The following NAV3 variants were observed in gnomAD, a reference collection of about 807,000 sequenced individuals.
The protein encoded by NAV3 is pore membrane and/or filament interacting like protein 1.
Under a neutral mutation model 244.7 loss-of-function variants are expected in NAV3, and 87 were observed. That is an observed-to-expected ratio of 0.36 (90% CI 0.30 to 0.42). The LOEUF (loss-of-function observed/expected upper bound fraction) is 0.42, where lower values mean the gene tolerates loss of function less well. Ranked by LOEUF, NAV3 falls within the 20% of genes least tolerant of loss-of-function variation. The probability of loss-of-function intolerance (pLI) is 1.00; values close to 1 mark genes in which losing one functional copy is unlikely to be tolerated. For synonymous variants in NAV3, 1,126 were observed against 1,042.2 expected (o/e 1.08, Z -1.55); for missense variants, 2,663 against 2,893.3 (o/e 0.92, Z 1.83).
intron 2 of NAV3, among the ~76,000 whole-genome samples, chr12:77,729,542 G>A (rs1447322673): frequency 2.0e-5 from 3 of 151,968 alleles, no homozygotes; most frequent in Non-Finnish European, 4.4e-5. Context: ...TGAAATGTAA[G>A]ATAAACATGG....
rs11107455 is a variant in NAV3 at position 77,933,551 on chromosome 12, A to G, written c.244-6768A>G. On this transcript the variant is annotated intron_variant, in intron 1 of 39. Coordinates refer to ENST00000397909, the MANE Select transcript of NAV3 (RefSeq NM_001024383.2). ...TCAAACTCCAAAGTTGAGATTTTTG[A>G]AAAACTTCATACAGTGTGAGCTTTC... is the stretch of plus-strand genomic sequence containing the variant. Among the ~76,000 whole-genome samples, 450 of 152,324 alleles carry G rather than the reference A, an allele frequency of 3.0e-3. 3 individuals carry two copies. Among genetic ancestry groups the G allele is most frequent in the African/African-American group, 0.01 (423 of 41,576 alleles).
At chr12:77,888,841 G>A (rs1032835608) in intron 1 of NAV3, among the ~76,000 whole-genome samples, 1 of 152,174 alleles carries the variant, frequency 6.6e-6, no homozygotes, top group East Asian at 1.9e-4. Flanking sequence ...GTGTGTGACT[G>A]TGGATAGGAC....
intron 1 of NAV3, among the ~76,000 whole-genome samples, chr12:77,918,556 G>A (rs952333718): frequency 1.3e-5 from 2 of 152,038 alleles, no homozygotes; most frequent in Non-Finnish European, 2.9e-5. Flanking sequence ...ATCTATTTGG[G>A]CTGAGTTCAT....
At chr12:78,201,519 C>A (rs1264913273) in intron 38 of NAV3, among the ~76,000 whole-genome samples, 4 of 151,694 alleles carry the variant, frequency 2.6e-5, no homozygotes, top group Non-Finnish European at 5.9e-5. Context: ...ATCTTGAGGC[C>A]CTGCAACCAA....
intron 1 of NAV3, among the ~76,000 whole-genome samples, chr12:77,914,697 A>G (rs945057670): frequency 2.6e-5 from 4 of 151,964 alleles, no homozygotes; most frequent in Non-Finnish European, 4.4e-5. Context: ...TGTCTAGTCT[A>G]TTGTGGAGTA....
intron 2 of NAV3, among the ~76,000 whole-genome samples, chr12:77,659,894 G>T (rs191775584): frequency 2.7e-5 from 4 of 150,592 alleles, no homozygotes; most frequent in East Asian, 4.0e-4. Context: ...TCACTCATAG[G>T]TGGGAATTGA....
intron 2 of NAV3, among the ~76,000 whole-genome samples, chr12:77,619,853 C>T (rs980699368): frequency 3.3e-5 from 5 of 151,322 alleles, no homozygotes; most frequent in South Asian, 2.1e-4. Flanking sequence ...GGAAATTGCA[C>T]GTTAATGTGA....
chr12:77,740,863 C>T (rs770736853), intron 2 of NAV3, among the ~76,000 whole-genome samples: 2 of 151,874 alleles, frequency 1.3e-5, no homozygotes, highest in African/African-American at 2.4e-5. Context: ...AGATGAGAGG[C>T]AAAGACAAAG....
intron 18 of NAV3, among the ~76,000 whole-genome samples, chr12:78,136,190 A>G (rs1260158157): frequency 6.6e-6 from 1 of 152,218 alleles, no homozygotes; most frequent in Non-Finnish European, 1.5e-5. Context: ...CCACTGACGG[A>G]TTCCACAGGG....
chr12:78,034,007 TAACA>T (rs1050817362), intron 9 of NAV3, among the ~76,000 whole-genome samples: 8 of 152,230 alleles, frequency 5.3e-5, no homozygotes, highest in African/African-American at 1.9e-4. Flanking sequence ...GAGAGAGCTG[TAACA>T]AACAGAGTGG....
chr12:77,656,221 T>G (rs1256579499), intron 2 of NAV3, among the ~76,000 whole-genome samples: 5 of 140,690 alleles, frequency 3.6e-5, no homozygotes, highest in Non-Finnish European at 7.5e-5. Flanking sequence ...CCATCTCACG[T>G]GCAGAGACAC....
intron 3 of NAV3, among the ~76,000 whole-genome samples, chr12:77,957,687 CAG>C (rs1466299272): frequency 3.3e-5 from 5 of 151,244 alleles, no homozygotes; most frequent in Non-Finnish European, 7.4e-5. Context: ...TTTTTTGAGA[CAG>C]AGTCTTGCTC....
intron 12 of NAV3, among the ~76,000 whole-genome samples, chr12:78,104,178 G>A (rs539681612): frequency 6.6e-6 from 1 of 152,198 alleles, no homozygotes; most frequent in East Asian, 1.9e-4. Context: ...TATAAGAGTT[G>A]GTTGTTTATG....
At chr12:78,198,981 T>C (rs1344610763) in intron 36 of NAV3, 38 of 448,568 alleles carry the variant, frequency 8.5e-5, no homozygotes, top group Non-Finnish European at 1.5e-4. Context: ...GTTCACTATG[T>C]CCCTGGTTAA....
At chr12:77,930,908 A>T (rs1169579968) in intron 1 of NAV3, among the ~76,000 whole-genome samples, 3 of 152,122 alleles carry the variant, frequency 2.0e-5, no homozygotes, top group Non-Finnish European at 2.9e-5. Flanking sequence ...GAGACTTGTG[A>T]TGTCATTATA....
At chr12:77,613,159 A>G (rs1168161481) in intron 2 of NAV3, among the ~76,000 whole-genome samples, 1 of 152,162 alleles carries the variant, frequency 6.6e-6, no homozygotes, top group Non-Finnish European at 1.5e-5. Context: ...GCAATTATCA[A>G]TCTCATTAAC....
chr12:77,792,012 G>C (rs1221519922), intron 2 of NAV3, among the ~76,000 whole-genome samples: 1 of 152,178 alleles, frequency 6.6e-6, no homozygotes, highest in Non-Finnish European at 1.5e-5. Flanking sequence ...TGGATATTGA[G>C]TGACAACTGT....
chr12:77,784,943 T>A lies in NAV3; in HGVS notation c.73-155376T>A, dbSNP rs12311707. On this transcript the variant is annotated intron_variant, in intron 2 of 8. Transcript: ENST00000550042. ...AATTAGAATTTTGTGTTTTCTAAGG[T>A]TCTTGTATGGCTGGATAAGCAATAA... 5.6e-3 allele frequency among the ~76,000 whole-genome samples: 857 copies of A among 152,286 alleles called. 10 individuals are homozygous for A. Among genetic ancestry groups the A allele is most frequent in the African/African-American group, 0.02 (813 of 41,550 alleles).
intron 2 of NAV3, among the ~76,000 whole-genome samples, chr12:77,627,247 A>C (rs1022244137): frequency 3.9e-5 from 6 of 152,214 alleles, no homozygotes; most frequent in Non-Finnish European, 7.4e-5. Context: ...CTATAGTTAC[A>C]TCAGACAAAA....
Sources: gnomAD v4.1 joint callset for allele counts (sites outside exome capture counted in the v4.1 genomes callset) on GRCh38, gnomAD v4.1.1 for gene constraint, MANE v1.5 for transcripts, NCBI Gene and HGNC (gene_info 2026-07-23, HGNC 2026-07-21) for gene names.